CD109: variants seen among roughly 807,000 people sequenced by gnomAD.
The protein encoded by CD109 is CD109 antigen.
CD109 carries 149 observed loss-of-function variants against 165.8 expected under a neutral mutation model. The observed-to-expected ratio is 0.90, with a 90% CI of 0.79 to 1.03. CD109 has a LOEUF of 1.03. CD109 is among the 50% of genes least tolerant of loss of function. The pLI is 0.00. For missense variants in CD109, 1,712 were observed against 1,677.8 expected, an observed-to-expected ratio of 1.02 and a Z score of -0.36; for synonymous variants, 585 against 592.1, an observed-to-expected ratio of 0.99 and a Z score of 0.18.
intron 29 of CD109, among the ~76,000 whole-genome samples, chr6:73,814,096 A>G (rs924674307): frequency 1.3e-5 from 2 of 152,124 alleles, no homozygotes; most frequent in African/African-American, 4.8e-5. Context: ...TTGAAAAATG[A>G]AGGCTTAGAG....
At chr6:73,821,866 C>T (rs1056888376) in intron 32 of CD109, among the ~76,000 whole-genome samples, 1 of 152,148 alleles carries the variant, frequency 6.6e-6, no homozygotes, top group Non-Finnish European at 1.5e-5. Flanking sequence ...TACCCCTGAA[C>T]AGTAAATAAA....
At chr6:73,806,026 G>A (rs1248075563) in intron 24 of CD109, among the ~76,000 whole-genome samples, 1 of 152,062 alleles carries the variant, frequency 6.6e-6, no homozygotes, top group Non-Finnish European at 1.5e-5. Flanking sequence ...ATACCCAAAG[G>A]ATTATAAATC....
intron 10 of CD109, among the ~76,000 whole-genome samples, chr6:73,765,509 G>T (rs1387182683): frequency 6.6e-6 from 1 of 152,170 alleles, no homozygotes; most frequent in African/African-American, 2.4e-5. Context: ...GAGGTGTTGG[G>T]CATGAACTCC....
intron 28 of CD109, 120 bp downstream of exon 28, chr6:73,811,267 T>C (rs1775750801): frequency 2.6e-6 from 3 of 1,148,564 alleles, no homozygotes; most frequent in Admixed American, 3.1e-5. Context: ...TGTAGAGTAA[T>C]AGGGAGAAGT....
At position 73,780,301 on chromosome 6, in the gene CD109, C is replaced by A. The variant is rs1376183010; in HGVS notation, c.1828-123C>A. 4.1e-6 allele frequency: 3 copies of A among 737,404 alleles called. No homozygotes were observed. In the Admixed American group the frequency reaches 6.2e-5, roughly 15 times the overall value. The allele number at this position is 737,404 out of a possible 1,614,324, so 45.7% of individuals were successfully genotyped here. Reference sequence around the variant, plus strand: ...ACAAAGCAATTACATATTCATTACTCCTCAATTTGTGTCATTTTCAAAGTT... The same window carrying A: ...ACAAAGCAATTACATATTCATTACTACTCAATTTGTGTCATTTTCAAAGTT... On this transcript the variant is annotated intron_variant, in intron 15 of 32. Coordinates refer to ENST00000287097, the MANE Select transcript of CD109 (RefSeq NM_133493.5).
chr6:73,775,632 G>A (rs2150241664), intron 15 of CD109, among the ~76,000 whole-genome samples: 1 of 152,244 alleles, frequency 6.6e-6, no homozygotes, highest in East Asian at 1.9e-4. Flanking sequence ...ATGAAGTCCA[G>A]TACCCATTAG....
At chr6:73,785,257 A>G in intron 19 of CD109, 107 bp from the exon 20 acceptor site, 1 of 653,702 alleles carries the variant, frequency 1.5e-6, no homozygotes, top group Non-Finnish European at 2.7e-6. Flanking sequence ...TGACATTTCT[A>G]GCTGAAGTTA....
rs1007743771 is a variant in CD109, at chr6:73,826,615, T to C, written c.*2982T>C. 5 of 152,220 alleles carry C rather than the reference T, an allele frequency of 3.3e-5. No individual in the cohort carries two copies. 9.4% of individuals were successfully genotyped at this position (152,220 alleles called of 1,614,324 possible). On this transcript the variant is annotated 3_prime_UTR_variant, in exon 33 of 33. Coordinates refer to ENST00000287097, the MANE Select transcript of CD109 (RefSeq NM_133493.5). ...CTGGTCAATGAAATGCTTCCTTTTATTGTGTTGTGCTATTGTACTTTGTTT... is the reference window on the plus strand; with the variant it reads ...CTGGTCAATGAAATGCTTCCTTTTACTGTGTTGTGCTATTGTACTTTGTTT...
rs758196434 is a variant in CD109, at chr6:73,697,514, C to G, written c.189C>G (p.Leu63=). 3 of 1,613,888 alleles carry G rather than the reference C, an allele frequency of 1.9e-6. No individual in the cohort carries two copies. Among genetic ancestry groups the G allele is most frequent in the Admixed American group, 1.7e-5 (1 of 59,992 alleles). ...AGGTGACTGTGAAGGCGGAGCTGCT[C>G]AAGACAGCATCAAACCTCACTGTCT... ...PSQVTVKAEL[L]KTASNLTVSV... Residue 63 remains leucine, a synonymous_variant, in exon 2 of 33, where the codon CTC becomes CTG. Coordinates refer to ENST00000287097, the MANE Select transcript of CD109 (RefSeq NM_133493.5).
intron 2 of CD109, among the ~76,000 whole-genome samples, chr6:73,711,061 A>G (rs1771519627): frequency 6.6e-6 from 1 of 152,220 alleles, no homozygotes; most frequent in Admixed American, 6.5e-5. Context: ...TGTACAAAAA[A>G]CAGGCGTGGG....
intron 2 of CD109, among the ~76,000 whole-genome samples, chr6:73,717,874 C>A (rs1382710693): frequency 2.0e-5 from 3 of 151,852 alleles, no homozygotes; most frequent in Non-Finnish European, 4.4e-5. Flanking sequence ...CCACCTCGGC[C>A]TCCCAAAGTG....
rs1397142661 is a variant in CD109, at chr6:73,824,232, C to G, written c.*599C>G. ...CTGCTTGAAATCTGATCACACCCCC[C>G]AGCCATTGCCCTCCCTCTCTTTTTC... On this transcript the variant is annotated 3_prime_UTR_variant, in exon 33 of 33. Coordinates refer to ENST00000287097, the MANE Select transcript of CD109 (RefSeq NM_133493.5). 1.3e-5 allele frequency: 2 copies of G among 152,094 alleles called. No individual in the cohort carries two copies. The highest frequency in any genetic ancestry group is 2.9e-5 in the Non-Finnish European group (2 of 68,098). The allele number at this position is 152,094 out of a possible 1,614,324, so 9.4% of individuals were successfully genotyped here.
intron 2 of CD109, among the ~76,000 whole-genome samples, chr6:73,712,799 A>G (rs1012716330): frequency 3.9e-5 from 6 of 152,222 alleles, no homozygotes; most frequent in African/African-American, 1.2e-4. Flanking sequence ...AAGGGTTTTC[A>G]GATTGATTGT....
In CD109 at chr6:73,723,274, C is replaced by T. The variant is rs750484349; in HGVS notation, c.271C>T (p.Pro91Ser). 3.7e-6 allele frequency: 6 copies of T among 1,610,498 alleles called. No individual in the cohort carries two copies. Among genetic ancestry groups the T allele is most frequent in the Non-Finnish European group, 4.2e-6 (5 of 1,177,780 alleles). The change falls in exon 3 of 33, where the codon CCA (proline) becomes TCA (serine). Residue 91 changes from proline to serine, a missense_variant. By Grantham distance (74) the Pro-to-Ser change is moderately conservative. Coordinates refer to ENST00000287097, the MANE Select transcript of CD109 (RefSeq NM_133493.5). ...AGGCTCTTTTAAGACACTTACTCTT[C>T]CATCAGTAAGTATCCATTTAAAAAA... ...EKGSFKTLTL[P>S]SLPLNSADEI... is the part of the protein sequence containing the mutation.
At chr6:73,727,470 A>G (rs1772185237) in intron 3 of CD109, among the ~76,000 whole-genome samples, 1 of 152,258 alleles carries the variant, frequency 6.6e-6, no homozygotes, top group Non-Finnish European at 1.5e-5. Flanking sequence ...AAAGTTAAAA[A>G]AGCAAATTAG....
chr6:73,723,036 G>A (rs1772017550), intron 2 of CD109: 5 of 730,442 alleles, frequency 6.8e-6, no homozygotes, highest in Non-Finnish European at 8.4e-6. Flanking sequence ...TTTGCCCACT[G>A]ATACCCTTTT....
chr6:73,788,356 C>G lies in CD109; in HGVS notation c.2557-112C>G, dbSNP rs1774777340. ...AAGAAATGATAGGTGCCTATTTAGCCACACACAAACCTCAGACACAACAGG... is the reference window on the plus strand; with the variant it reads ...AAGAAATGATAGGTGCCTATTTAGCGACACACAAACCTCAGACACAACAGG... On this transcript the variant is annotated intron_variant, in intron 21 of 32. Coordinates refer to ENST00000287097, the MANE Select transcript of CD109 (RefSeq NM_133493.5). The G allele has an allele frequency of 3.8e-6, 3 of 779,254 alleles. No individual in the cohort carries two copies. The East Asian group carries it at 8.8e-5, about 23-fold the overall frequency. 48.3% of individuals were successfully genotyped at this position (779,254 alleles called of 1,614,324 possible).
rs1453714555 is a variant in CD109, at chr6:73,730,408, T to C, written c.341T>C (p.Ile114Thr). 27 of 1,614,000 alleles carry C rather than the reference T, an allele frequency of 1.7e-5. No homozygotes were observed. Among genetic ancestry groups the C allele is most frequent in the Non-Finnish European group, 2.1e-5 (25 of 1,179,890 alleles). ...LRVTGRTQDEILFSNSTRLSF... is the reference protein window; with the variant it reads ...LRVTGRTQDETLFSNSTRLSF... ...GTAACCGGACGTACCCAGGATGAGA[T>C]TTTATTCTCTAATAGTACCCGCTTA... The change falls in exon 4 of 33, where the codon ATT becomes ACT. Residue 114 changes from isoleucine to threonine, a missense_variant. Transcript: ENST00000287097.
chr6:73,727,459 A>G (rs1340552101), intron 3 of CD109, among the ~76,000 whole-genome samples: 1 of 152,240 alleles, frequency 6.6e-6, no homozygotes, highest in East Asian at 1.9e-4. Flanking sequence ...TTTAACGGGG[A>G]AAAGTTAAAA....
Sources: gnomAD v4.1 joint callset for allele counts (sites outside exome capture counted in the v4.1 genomes callset) on GRCh38, gnomAD v4.1.1 for gene constraint, MANE v1.5 for transcripts, NCBI Gene and HGNC (gene_info 2026-07-23, HGNC 2026-07-21) for gene names.